Variants in MFSD6 observed in about 807,000 individuals in gnomAD.
The protein encoded by MFSD6 is major facilitator superfamily domain containing 6, also known as major facilitator superfamily domain-containing protein 6.
Under a neutral mutation model 56.3 loss-of-function variants are expected in MFSD6, and 26 were observed. The observed-to-expected ratio is 0.46, with a 90% CI of 0.34 to 0.64. The LOEUF (loss-of-function observed/expected upper bound fraction) is 0.64. Ranked by LOEUF, MFSD6 falls within the 30% of genes least tolerant of loss-of-function variation. The pLI, the probability that MFSD6 is intolerant of heterozygous loss-of-function variation, is 0.01. For missense variants in MFSD6, 750 were observed against 986.2 expected, an observed-to-expected ratio of 0.76 and a Z score of 3.21; for synonymous variants, 331 against 366.9, an observed-to-expected ratio of 0.90 and a Z score of 1.12.
At position 190,473,386 on chromosome 2, in the gene MFSD6, A is replaced by G. The variant is rs1235707631; in HGVS notation, c.1630+3531A>G. 3.3e-5 allele frequency among the ~76,000 whole-genome samples: 5 copies of G among 152,334 alleles called. No individual in the cohort carries two copies. The East Asian group carries it at 9.6e-4, about 29-fold the overall frequency. On this transcript the variant is annotated intron_variant, in intron 4 of 7. Coordinates refer to ENST00000392328, the MANE Select transcript of MFSD6 (RefSeq NM_017694.4). ...ACATAGGCTCAAAATAAAGGGATGG[A>G]GGAAGATCTACCAAGCAAATGGAAA...
intron 2 of MFSD6, among the ~76,000 whole-genome samples, chr2:190,435,524 G>A (rs1686148217): frequency 6.6e-6 from 1 of 152,182 alleles, no homozygotes; most frequent in South Asian, 2.1e-4. Flanking sequence ...TTGTGGTTAA[G>A]TGCAACCTAT....
chr2:190,492,964 A>T lies in MFSD6; in HGVS notation c.1891+3098A>T, dbSNP rs2125251778. 6.6e-6 allele frequency among the ~76,000 whole-genome samples: 1 copy of T among 152,130 alleles called. No homozygotes were observed. The highest frequency in any genetic ancestry group is 6.5e-5 in the Admixed American group (1 of 15,280). On this transcript the variant is annotated intron_variant, in intron 6 of 7. Transcript: ENST00000392328. The surrounding 1 kb of genome is among the most constrained non-coding windows in gnomAD (Gnocchi z 5.2). Reference sequence around the variant, plus strand: ...TCACAGGACCTATAAAACAAAATACAATTAAAAAAAAAAGCAAGGTATATA... The same window carrying T: ...TCACAGGACCTATAAAACAAAATACTATTAAAAAAAAAAGCAAGGTATATA...
rs1689169006 is a variant in MFSD6, at chr2:190,488,882, C to T, written c.1792+64C>T. On this transcript the variant is annotated intron_variant, in intron 5 of 7. Transcript: ENST00000392328. This position sits in a 1 kb window ranked among gnomAD's most constrained non-coding sequence, Gnocchi z 6.4. ...TAAAACATGATTTTTTCCAGCAATACCTCAATAAACAATCCAATTATTACT... is the reference window on the plus strand; with the variant it reads ...TAAAACATGATTTTTTCCAGCAATATCTCAATAAACAATCCAATTATTACT... 7.2e-6 allele frequency: 10 copies of T among 1,389,220 alleles called. No individual in the cohort carries two copies. In the South Asian group the frequency reaches 1.2e-4, roughly 17 times the overall value. 86.1% of individuals were successfully genotyped at this position (1,389,220 alleles called of 1,614,324 possible).
chr2:190,422,111 CA>C lies in MFSD6; in HGVS notation c.-54+6700del, dbSNP rs1279927954. Reference sequence around the variant, plus strand: ...AAACTGCATTTTTTCTTTTTCTGTGCAACTCTTTGTTTTCTTGTAGTGTTCT... The same window carrying C: ...AAACTGCATTTTTTCTTTTTCTGTGCACTCTTTGTTTTCTTGTAGTGTTCT... On this transcript the variant is annotated intron_variant, in intron 2 of 7. Coordinates refer to ENST00000392328, the MANE Select transcript of MFSD6 (RefSeq NM_017694.4). Among the ~76,000 whole-genome samples, 3 of 152,104 alleles carry C rather than the reference CA, an allele frequency of 2.0e-5. No homozygotes were observed. The East Asian group carries it at 5.8e-4, about 29-fold the overall frequency.
At chr2:190,408,158 C>A (rs1690378528), upstream of MFSD6, among the ~76,000 whole-genome samples, 1 of 151,966 alleles carries the variant, frequency 6.6e-6, no homozygotes, top group East Asian at 2.0e-4. Context: ...GCGGCCGGTC[C>A]TCAGCGCCCG....
intron 4 of MFSD6, among the ~76,000 whole-genome samples, chr2:190,482,366 G>A (rs1688721504): frequency 6.7e-6 from 1 of 150,126 alleles, no homozygotes; most frequent in Non-Finnish European, 1.5e-5. Flanking sequence ...GTCTCTTACT[G>A]ATTTTCACCA....
intron 6 of MFSD6, among the ~76,000 whole-genome samples, chr2:190,493,607 G>A (rs899135012): frequency 6.6e-6 from 1 of 152,156 alleles, no homozygotes; most frequent in Admixed American, 6.5e-5. Context: ...CTCCAAGATA[G>A]ACTATATGAT....
chr2:190,493,154 A>C (rs1689461070), intron 6 of MFSD6, among the ~76,000 whole-genome samples: 1 of 152,030 alleles, frequency 6.6e-6, no homozygotes, highest in Non-Finnish European at 1.5e-5. Context: ...ACACATAGGA[A>C]CTCACATAAA....
rs1335778291 is a variant in MFSD6 at position 190,451,908 on chromosome 2, G to T, written c.1532+14347G>T. Among the ~76,000 whole-genome samples, 1 of 152,138 alleles carries T rather than the reference G, an allele frequency of 6.6e-6. No homozygotes were observed. The highest frequency in any genetic ancestry group is 1.5e-5 in the Non-Finnish European group (1 of 68,024). On this transcript the variant is annotated intron_variant, in intron 3 of 7. Coordinates refer to ENST00000392328, the MANE Select transcript of MFSD6 (RefSeq NM_017694.4). This position sits in a 1 kb window ranked among gnomAD's most constrained non-coding sequence, Gnocchi z 5.0. Reference sequence around the variant, plus strand: ...TTTGAAGGCAATTGCTTGGGCAGAGGATTTCTTATTATTATTTATCTCACC... The same window carrying T: ...TTTGAAGGCAATTGCTTGGGCAGAGTATTTCTTATTATTATTTATCTCACC...
rs756411489 is a variant in MFSD6, at chr2:190,497,714, T to C, written c.2167T>C (p.Leu723=). The change falls in exon 7 of 8, where the codon TTA becomes CTA. Residue 723 remains leucine, a synonymous_variant. Transcript: ENST00000392328. This position sits in a 1 kb window ranked among gnomAD's most constrained non-coding sequence, Gnocchi z 5.2. The part of the protein sequence containing the change: ...RDNRASEIQP[L]QGTNENRENS... ...CAACCGTGCTTCTGAGATACAGCCTTTACAGGTACAGTTCCTTTGCTGGGC... is the reference window on the plus strand; with the variant it reads ...CAACCGTGCTTCTGAGATACAGCCTCTACAGGTACAGTTCCTTTGCTGGGC... 1.9e-6 allele frequency: 3 copies of C among 1,612,522 alleles called. No individual in the cohort carries two copies. Among genetic ancestry groups the C allele is most frequent in the East Asian group, 4.5e-5 (2 of 44,872 alleles).
rs940576605 is a variant in MFSD6 at position 190,439,200 on chromosome 2, A to C, written c.1532+1639A>C. ...TGAGCAAATCTCACTGCAGTTAATAATGTCTTTAAAATCACTGTTATTCAT... is the reference window on the plus strand; with the variant it reads ...TGAGCAAATCTCACTGCAGTTAATACTGTCTTTAAAATCACTGTTATTCAT... On this transcript the variant is annotated intron_variant, in intron 3 of 7. Transcript: ENST00000392328. The surrounding 1 kb of genome is among the most constrained non-coding windows in gnomAD (Gnocchi z 5.8). Among the ~76,000 whole-genome samples, 2 of 151,990 alleles carry C rather than the reference A, an allele frequency of 1.3e-5. No homozygotes were observed. The highest frequency in any genetic ancestry group is 2.4e-5 in the African/African-American group (1 of 41,384).
Position 190,463,639 on chromosome 2 carries a change from A to C in MFSD6, c.1533-6119A>C, listed in dbSNP as rs528346100. On this transcript the variant is annotated intron_variant, in intron 3 of 7. Coordinates refer to ENST00000392328, the MANE Select transcript of MFSD6 (RefSeq NM_017694.4). This position sits in a 1 kb window ranked among gnomAD's most constrained non-coding sequence, Gnocchi z 4.4. ...AGTTCATGACCAGCCTGGGCAACAT[A>C]GTGAGACTTTGTGTCTACTAAAAAT... 3.9e-5 allele frequency among the ~76,000 whole-genome samples: 6 copies of C among 152,194 alleles called. 1 individual carries two copies. The South Asian group carries it at 1.0e-3, about 26-fold the overall frequency.
rs1358603284 is a variant in MFSD6 at position 190,410,308 on chromosome 2, G to C, written c.-176+1805G>C. ...TGCATGACAAAAAGGAAGCTCAGAA[G>C]GGTTAAGCAACTTACACAAACCACA... On this transcript the variant is annotated intron_variant, in intron 1 of 7. Transcript: ENST00000392328. This position sits in a 1 kb window ranked among gnomAD's most constrained non-coding sequence, Gnocchi z 4.4. 6.6e-6 allele frequency among the ~76,000 whole-genome samples: 1 copy of C among 152,128 alleles called. No individual in the cohort carries two copies. Among genetic ancestry groups the C allele is most frequent in the Non-Finnish European group, 1.5e-5 (1 of 68,034 alleles).
intron 3 of MFSD6, among the ~76,000 whole-genome samples, chr2:190,449,870 G>A (rs1309428460): frequency 6.6e-6 from 1 of 151,996 alleles, no homozygotes; most frequent in Non-Finnish European, 1.5e-5. Context: ...GTTGTGGGGT[G>A]GGGGAAGGGG....
rs1431936984 is a variant in MFSD6, at chr2:190,501,011, G to A, written c.*793G>A. 6.6e-6 allele frequency: 1 copy of A among 152,110 alleles called. No homozygotes were observed. Among genetic ancestry groups the A allele is most frequent in the African/African-American group, 2.4e-5 (1 of 41,408 alleles). 9.4% of individuals were successfully genotyped at this position (152,110 alleles called of 1,614,324 possible). A position where few individuals can be genotyped will look rare whatever the true frequency, so the allele number is the denominator to read the frequency against. On this transcript the variant is annotated 3_prime_UTR_variant, in exon 8 of 8. Coordinates refer to ENST00000392328, the MANE Select transcript of MFSD6 (RefSeq NM_017694.4). ...CAGTATCCTGTGTTTTGATAGACAA[G>A]AGTTTACTAAATATATTGATACTGT... is the stretch of plus-strand genomic sequence containing the variant.
rs1325073460 is a variant in MFSD6, at chr2:190,501,814, G to A, written c.*1596G>A. 4 of 152,590 alleles carry A rather than the reference G, an allele frequency of 2.6e-5. No individual in the cohort carries two copies. Among genetic ancestry groups the A allele is most frequent in the African/African-American group, 9.7e-5 (4 of 41,426 alleles). 9.5% of individuals were successfully genotyped at this position (152,590 alleles called of 1,614,324 possible). A position where few individuals can be genotyped will look rare whatever the true frequency, so the allele number is the denominator to read the frequency against. On this transcript the variant is annotated 3_prime_UTR_variant, in exon 8 of 8. Coordinates refer to ENST00000392328, the MANE Select transcript of MFSD6 (RefSeq NM_017694.4). The stretch of plus-strand genomic sequence containing the variant: ...TTTTGCACTTGAACTGAAACGTACT[G>A]TACTGTAAATTATGACTCATTTTAA...
At position 190,471,425 on chromosome 2, in the gene MFSD6, G is replaced by A. The variant is rs929871423; in HGVS notation, c.1630+1570G>A. Among the ~76,000 whole-genome samples the A allele has an allele frequency of 4.6e-5, 7 of 152,144 alleles. No homozygotes were observed. The highest frequency in any genetic ancestry group is 1.7e-4 in the African/African-American group (7 of 41,420). On this transcript the variant is annotated intron_variant, in intron 4 of 7. Transcript: ENST00000392328. This position sits in a 1 kb window ranked among gnomAD's most constrained non-coding sequence, Gnocchi z 4.7. ...TGCTTTTCCAACAGTCTTAGCAAACGGCACACTAGGAGATTATATCCCGCA... is the reference window on the plus strand; with the variant it reads ...TGCTTTTCCAACAGTCTTAGCAAACAGCACACTAGGAGATTATATCCCGCA...
At position 190,499,735 on chromosome 2, in the gene MFSD6, G is replaced by T; in HGVS notation, c.2173-280G>T. On this transcript the variant is annotated intron_variant, in intron 7 of 7. Coordinates refer to ENST00000392328, the MANE Select transcript of MFSD6 (RefSeq NM_017694.4). This position sits in a 1 kb window ranked among gnomAD's most constrained non-coding sequence, Gnocchi z 6.0. ...CAGTAAATATTTGCTGATGTAAACT[G>T]TTTACCAAGTACTAACAGACATTTT... 1 of 1,276,700 alleles carries T rather than the reference G, an allele frequency of 7.8e-7. No homozygotes were observed. 79.1% of individuals were successfully genotyped at this position (1,276,700 alleles called of 1,614,324 possible).
chr2:190,455,158 A>G (rs1559120914), intron 3 of MFSD6, among the ~76,000 whole-genome samples: 1 of 152,088 alleles, frequency 6.6e-6, no homozygotes, highest in East Asian at 1.9e-4. Flanking sequence ...TTTTGTATAC[A>G]TTAGACACTA....
Sources: gnomAD v4.1 joint callset for allele counts (sites outside exome capture counted in the v4.1 genomes callset) on GRCh38, gnomAD v4.1.1 for gene constraint, Gnocchi (gnomAD v3.1) non-coding constraint, MANE v1.5 for transcripts, NCBI Gene and HGNC (gene_info 2026-07-23, HGNC 2026-07-21) for gene names.